The following IPP variants were observed in gnomAD, a reference collection of about 807,000 sequenced individuals.
The protein encoded by IPP is intracisternal A particle-promoted polypeptide, also known as actin-binding protein IPP.
IPP carries 41 observed loss-of-function variants against 64.1 expected under a neutral mutation model. The observed-to-expected ratio is 0.64, with a 90% CI of 0.50 to 0.83. The LOEUF (loss-of-function observed/expected upper bound fraction) is 0.83. Ranked by LOEUF, IPP falls within the 40% of genes least tolerant of loss-of-function variation. The pLI is 0.00. For missense variants in IPP, 649 were observed against 703.0 expected (o/e 0.92, Z 0.87); for synonymous variants, 214 against 235.2 (o/e 0.91, Z 0.83).
At chr1:45,726,917 G>A (rs1357646744) in intron 5 of IPP, among the ~76,000 whole-genome samples, 2 of 151,960 alleles carry the variant, frequency 1.3e-5, no homozygotes, top group Non-Finnish European at 2.9e-5. Context: ...GTAGAGACAA[G>A]GTTTCACCAT....
At chr1:45,739,461 C>A (rs1646031146) in intron 3 of IPP, among the ~76,000 whole-genome samples, 1 of 137,542 alleles carries the variant, frequency 7.3e-6, no homozygotes, top group Non-Finnish European at 1.5e-5. Context: ...CACCATGTTG[C>A]CCAGGCTGGT....
intron 8 of IPP, among the ~76,000 whole-genome samples, chr1:45,704,276 C>T (rs989064506): frequency 6.7e-6 from 1 of 150,238 alleles, no homozygotes; most frequent in Non-Finnish European, 1.5e-5. Context: ...CTCGCTCTGT[C>T]ACGCAGGCTG....
intron 5 of IPP, among the ~76,000 whole-genome samples, chr1:45,724,180 T>C (rs181778852): frequency 0.28 from 43,101 of 151,748 alleles, 6,269 homozygotes; most frequent in South Asian, 0.37. Context: ...GACGGGGTTT[T>C]GCTGTGTTGG....
intron 8 of IPP, among the ~76,000 whole-genome samples, chr1:45,710,130 C>A: frequency 1.1e-5 from 1 of 93,870 alleles, no homozygotes; most frequent in Non-Finnish European, 2.3e-5. Context: ...GAGGCTAAGA[C>A]AGGAGAATTG....
chr1:45,715,194 CAAA>C (rs199978194), intron 7 of IPP, among the ~76,000 whole-genome samples: 48 of 102,800 alleles, frequency 4.7e-4, no homozygotes, highest in African/African-American at 4.1e-4. Flanking sequence ...GACCTTCTCT[CAAA>C]AAAAAAAAAA....
At position 45,719,275 on chromosome 1, in the gene IPP, T is replaced by G; in HGVS notation, c.1114A>C (p.Thr372Pro). Residue 372 changes from threonine (T) to proline (P), a missense_variant, in exon 6 of 9, where the codon ACT becomes CCT. Coordinates refer to ENST00000396478, the MANE Select transcript of IPP (RefSeq NM_005897.3). ...CYDPVTKQWT[T>P]VASMNHPRCG... Reference sequence around the variant, plus strand: ...CGGGGATGATTCATCGAAGCTACAGTTGTCCACTGTTTAGTAACTGGATCA... The same window carrying G: ...CGGGGATGATTCATCGAAGCTACAGGTGTCCACTGTTTAGTAACTGGATCA... The G allele has an allele frequency of 6.2e-7, 1 of 1,613,238 alleles. No homozygotes were observed. The highest frequency in any genetic ancestry group is 2.2e-5 in the East Asian group (1 of 44,872).
At chr1:45,703,184 G>A (rs1645476136) in intron 8 of IPP, among the ~76,000 whole-genome samples, 2 of 149,738 alleles carry the variant, frequency 1.3e-5, no homozygotes, top group South Asian at 4.3e-4. Flanking sequence ...ACCTTCCTGG[G>A]CTCAGGTGAT....
At chr1:45,703,768 G>A (rs1374108434) in intron 8 of IPP, among the ~76,000 whole-genome samples, 1 of 152,054 alleles carries the variant, frequency 6.6e-6, no homozygotes, top group Non-Finnish European at 1.5e-5. Flanking sequence ...GTAAGTCTAG[G>A]GCATAACACA....
chr1:45,700,148 C>G lies in IPP; in HGVS notation c.1573G>C (p.Gly525Arg). 1 of 1,613,940 alleles carries G rather than the reference C, an allele frequency of 6.2e-7. No individual in the cohort carries two copies. Among genetic ancestry groups the G allele is most frequent in the Non-Finnish European group, 8.5e-7 (1 of 1,180,008 alleles). The change falls in exon 9 of 9, where the codon GGC (glycine) becomes CGC (arginine). Residue 525 changes from glycine to arginine, a missense_variant. Transcript: ENST00000396478. ...CCATTGACTGCCACAACACACATGC[C>G]TGCTCTAGGCACTTTCATTGAGGCA... ...EVASMKVPRA[G>R]MCVVAVNGLL...
intron 7 of IPP, among the ~76,000 whole-genome samples, chr1:45,714,784 G>A (rs1358247187): frequency 8.8e-6 from 1 of 114,212 alleles, no homozygotes; most frequent in East Asian, 2.4e-4. Flanking sequence ...AAACAGGAAA[G>A]GAACATGGAT....
chr1:45,727,632 TC>T lies in IPP; in HGVS notation c.1046del (p.Gly349GlufsTer7). 6.5e-7 allele frequency: 1 copy of T among 1,530,606 alleles called. No homozygotes were observed. 94.8% of individuals were successfully genotyped at this position (1,530,606 alleles called of 1,614,324 possible). A position where few individuals can be genotyped will look rare whatever the true frequency, so the allele number is the denominator to read the frequency against. ...TVLGGMVYAIGGEKDSMIFDC... is the reference protein window; with the variant it reads ...TVLGGMVYAIXGEKDSMIFDC... ...AAAATAAGACATTTTTATTATTACCTCCAATAGCGTAGACCATCCCTCCCAG... is the reference window on the plus strand; with the variant it reads ...AAAATAAGACATTTTTATTATTACCTCAATAGCGTAGACCATCCCTCCCAG... On this transcript the variant is annotated frameshift_variant and splice_region_variant, in exon 5 of 9. Transcript: ENST00000396478. LOFTEE classifies it high-confidence loss of function.
At position 45,741,221 on chromosome 1, in the gene IPP, T is replaced by C; in HGVS notation, c.404A>G (p.Asp135Gly). Residue 135 changes from aspartate to glycine, a missense_variant, in exon 3 of 9, where the codon GAT (aspartate) becomes GGT (glycine). Coordinates refer to ENST00000396478, the MANE Select transcript of IPP (RefSeq NM_005897.3). ...AAAAATTCCAATGCAGTTCAGTGGATCAATTTGTCCTTTCAGAAATTCACA... is the reference window on the plus strand; with the variant it reads ...AAAAATTCCAATGCAGTTCAGTGGACCAATTTGTCCTTTCAGAAATTCACA... ...LCCEFLKGQI[D>G]PLNCIGIFQF... is the part of the protein sequence containing the mutation. 1 of 1,614,176 alleles carries C rather than the reference T, an allele frequency of 6.2e-7. No individual in the cohort carries two copies. Among genetic ancestry groups the C allele is most frequent in the East Asian group, 2.2e-5 (1 of 44,878 alleles).
chr1:45,730,270 T>C (rs1645889473), intron 3 of IPP, among the ~76,000 whole-genome samples: 2 of 152,038 alleles, frequency 1.3e-5, no homozygotes, highest in Admixed American at 1.3e-4. Context: ...GAGTACCACT[T>C]GAGCTCAGGA....
rs1646054834 is a variant in IPP at position 45,740,924 on chromosome 1, T to C, written c.701A>G (p.Gln234Arg). The C allele has an allele frequency of 5.0e-6, 8 of 1,601,406 alleles. No homozygotes were observed. The highest frequency in any genetic ancestry group is 6.0e-6 in the Non-Finnish European group (7 of 1,175,380). The change falls in exon 3 of 9, where the codon CAG (glutamine) becomes CGG (arginine). Residue 234 changes from glutamine to arginine, a missense_variant. Transcript: ENST00000396478. ...DPIRFPLLPP[Q>R]RLLKYIEGVS... ...ACCTTCTATATACTTTAAAAGTCTCTGAGGAGGTAATAAAGGGAATCGAAT... is the reference window on the plus strand; with the variant it reads ...ACCTTCTATATACTTTAAAAGTCTCCGAGGAGGTAATAAAGGGAATCGAAT...
At chr1:45,738,834 C>A (rs1646015441) in intron 3 of IPP, among the ~76,000 whole-genome samples, 2 of 46,858 alleles carry the variant, frequency 4.3e-5, no homozygotes, top group Non-Finnish European at 7.8e-5. Context: ...AGCAAGACTC[C>A]ATCTCAAAAA....
intron 2 of IPP, among the ~76,000 whole-genome samples, chr1:45,741,615 CTTATT>C (rs1646067052): frequency 8.1e-6 from 1 of 123,936 alleles, no homozygotes; most frequent in Non-Finnish European, 1.7e-5. Flanking sequence ...TATTATTTTT[CTTATT>C]TTCTTTTTTT....
At chr1:45,725,404 G>A (rs1355053212) in intron 5 of IPP, among the ~76,000 whole-genome samples, 67 of 146,070 alleles carry the variant, frequency 4.6e-4, no homozygotes, top group South Asian at 1.3e-3. Context: ...CTGCCCGGCC[G>A]CCCCTACTGG....
chr1:45,709,396 G>A (rs1569960211), intron 8 of IPP, among the ~76,000 whole-genome samples: 1 of 131,728 alleles, frequency 7.6e-6, no homozygotes, highest in East Asian at 2.3e-4. Context: ...TCATGCCACT[G>A]CACTCCAGCC....
At chr1:45,723,077 A>C (rs2148563756) in intron 5 of IPP, among the ~76,000 whole-genome samples, 1 of 152,304 alleles carries the variant, frequency 6.6e-6, no homozygotes, top group Middle Eastern at 3.4e-3. Context: ...CTATGCTAAA[A>C]ACCACTAAAC....
Sources: gnomAD v4.1 joint callset for allele counts (sites outside exome capture counted in the v4.1 genomes callset) on GRCh38, gnomAD v4.1.1 for gene constraint, MANE v1.5 for transcripts, NCBI Gene and HGNC (gene_info 2026-07-23, HGNC 2026-07-21) for gene names.